The following IL7 variants were observed in gnomAD, a reference collection of about 807,000 sequenced individuals.
IL7 encodes interleukin-7.
Under a neutral mutation model 21.6 loss-of-function variants are expected in IL7, and 3 were observed. The ratio of observed to expected loss-of-function variants is 0.14; its 90% CI spans 0.06 to 0.36. The LOEUF (loss-of-function observed/expected upper bound fraction) is 0.36. Ranked by LOEUF, IL7 falls within the 10% of genes least tolerant of loss-of-function variation. The pLI is 1.00. For synonymous variants in IL7, 62 were observed against 68.1 expected, an observed-to-expected ratio of 0.91 and a Z score of 0.44; for missense variants, 175 against 200.2, an observed-to-expected ratio of 0.87 and a Z score of 0.76.
chr8:78,730,375 A>C (rs574014034), downstream of IL7, among the ~76,000 whole-genome samples: 6 of 152,066 alleles, frequency 3.9e-5, no homozygotes, highest in African/African-American at 1.4e-4. Context: ...TTATCAATAC[A>C]CCTACTTGTT....
chr8:78,779,451 T>C (rs1344331731), intron 2 of IL7, among the ~76,000 whole-genome samples: 1 of 152,186 alleles, frequency 6.6e-6, no homozygotes, highest in East Asian at 1.9e-4. Context: ...CATGGGGGGA[T>C]GTTGAATTTT....
intron 2 of IL7, among the ~76,000 whole-genome samples, chr8:78,756,889 T>C (rs1812365835): frequency 6.6e-6 from 1 of 151,946 alleles, no homozygotes; most frequent in Non-Finnish European, 1.5e-5. Context: ...TTCTATTTCC[T>C]TTTTTTCTGC....
rs571977230 is a variant in IL7 at position 78,760,322 on chromosome 8, C to T, written c.148-20240G>A. 5.0e-4 allele frequency: 798 copies of T among 1,607,404 alleles called. 2 individuals carry two copies. The African/African-American group carries it at 5.3e-3, about 11-fold the overall frequency. The stretch of plus-strand genomic sequence containing the variant: ...TGTTCCTCAAATATGCTTTAAGACG[C>T]TTTCATCCATTTTCATACCGCTCAT... On this transcript the variant is annotated intron_variant, in intron 2 of 5. Transcript: ENST00000263851.
intron 2 of IL7, among the ~76,000 whole-genome samples, chr8:78,748,708 T>C (rs531020301): frequency 1.3e-5 from 2 of 152,246 alleles, no homozygotes; most frequent in African/African-American, 4.8e-5. Flanking sequence ...AGATGTCAAA[T>C]AGACAAATAG....
intron 3 of IL7, among the ~76,000 whole-genome samples, chr8:78,710,919 A>T (rs959142292): frequency 5.3e-5 from 8 of 152,112 alleles, no homozygotes; most frequent in African/African-American, 1.9e-4. Context: ...AAATTAATAA[A>T]ATGTGTCCCT....
intron 2 of IL7, among the ~76,000 whole-genome samples, chr8:78,748,184 A>C (rs1189586720): frequency 1.3e-5 from 2 of 152,230 alleles, no homozygotes; most frequent in Non-Finnish European, 2.9e-5. Context: ...AAAAGCAATA[A>C]TTAATGTATT....
intron 4 of IL7, among the ~76,000 whole-genome samples, chr8:78,676,521 T>A (rs1425610412): frequency 6.6e-6 from 1 of 152,030 alleles, no homozygotes; most frequent in African/African-American, 2.4e-5. Flanking sequence ...GTATTTTAAC[T>A]TCAAACACAA....
At chr8:78,798,868 C>A (rs150946930) in intron 1 of IL7, among the ~76,000 whole-genome samples, 2 of 152,178 alleles carry the variant, frequency 1.3e-5, no homozygotes, top group African/African-American at 4.8e-5. Context: ...TCAAACACAG[C>A]GCTATCCAGC....
At chr8:78,710,675 A>G (rs1563639424) in intron 3 of IL7, among the ~76,000 whole-genome samples, 2 of 152,208 alleles carry the variant, frequency 1.3e-5, no homozygotes, top group South Asian at 2.1e-4. Context: ...ATAATTAAGG[A>G]TTAGAATAAA....
chr8:78,708,151 G>A (rs1450370560), intron 3 of IL7, among the ~76,000 whole-genome samples: 1 of 152,120 alleles, frequency 6.6e-6, no homozygotes, highest in African/African-American at 2.4e-5. Flanking sequence ...TTGAGTAAAG[G>A]TTGAATTAAG....
chr8:78,741,394 T>C (rs1160924734), intron 2 of IL7, among the ~76,000 whole-genome samples: 1 of 152,170 alleles, frequency 6.6e-6, no homozygotes, highest in Non-Finnish European at 1.5e-5. Context: ...GGACAATAAC[T>C]CATACATAAT....
chr8:78,677,852 C>T (rs1417080883), intron 4 of IL7, among the ~76,000 whole-genome samples: 3 of 152,166 alleles, frequency 2.0e-5, no homozygotes, highest in South Asian at 2.1e-4. Flanking sequence ...AATGAAAGAA[C>T]GGGTACTCCA....
chr8:78,738,573 A>G lies in IL7; in HGVS notation c.291T>C (p.Thr97=), dbSNP rs1811671597. 6.2e-7 allele frequency: 1 copy of G among 1,613,444 alleles called. No individual in the cohort carries two copies. The highest frequency in any genetic ancestry group is 8.5e-7 in the Non-Finnish European group (1 of 1,179,398). The part of the protein sequence containing the change: ...KLRQFLKMNS[T]GDFDLHLLKV... ...TTAATAAGTGGAGATCAAAATCACC[A>G]GTGCTATTCATTTTAAGAAATTGCC... Residue 97 remains threonine (T), a synonymous_variant, in exon 4 of 6, where the codon ACT becomes ACC. Transcript: ENST00000263851.
intron 2 of IL7, chr8:78,762,160 G>A: frequency 6.3e-7 from 1 of 1,594,388 alleles, no homozygotes; most frequent in East Asian, 2.2e-5. Flanking sequence ...TCAAATGACT[G>A]TTAAGATCAA....
At chr8:78,796,534 A>G (rs1219568942) in intron 2 of IL7, among the ~76,000 whole-genome samples, 1 of 152,034 alleles carries the variant, frequency 6.6e-6, no homozygotes, top group Non-Finnish European at 1.5e-5. Flanking sequence ...AAAAAATTAA[A>G]AAAGAGATAG....
At chr8:78,748,873 A>G (rs1303540201) in intron 2 of IL7, among the ~76,000 whole-genome samples, 3 of 152,238 alleles carry the variant, frequency 2.0e-5, no homozygotes, top group Admixed American at 2.0e-4. Flanking sequence ...GAAAGCTAAT[A>G]ATGGAATGGT....
chr8:78,768,291 T>C (rs1308423321), intron 2 of IL7, among the ~76,000 whole-genome samples: 3 of 152,180 alleles, frequency 2.0e-5, no homozygotes, highest in Non-Finnish European at 2.9e-5. Context: ...TACCCAGTAA[T>C]GGGATGGCTG....
chr8:78,717,337 G>T (rs769509602), downstream of IL7: 4 of 1,607,164 alleles, frequency 2.5e-6, no homozygotes, highest in South Asian at 4.5e-5. Context: ...GGCCAGATGG[G>T]GACTGTGCAT....
chr8:78,729,791 T>A (rs185196771), downstream of IL7, among the ~76,000 whole-genome samples: 214 of 152,148 alleles, frequency 1.4e-3, 2 homozygotes, highest in African/African-American at 4.9e-3. Flanking sequence ...TCTTTCCAAT[T>A]AAAGTTTTAG....
Sources: gnomAD v4.1 joint callset for allele counts (sites outside exome capture counted in the v4.1 genomes callset) on GRCh38, gnomAD v4.1.1 for gene constraint, MANE v1.5 for transcripts, NCBI Gene and HGNC (gene_info 2026-07-23, HGNC 2026-07-21) for gene names.